RBFOX1: variants seen among roughly 807,000 people sequenced by gnomAD.
RBFOX1 encodes RNA binding fox-1 homolog 1.
A neutral mutation model predicts 57.7 loss-of-function variants in RBFOX1; 8 were observed. That is an observed-to-expected ratio of 0.14 (90% CI 0.08 to 0.25). The LOEUF is 0.25. Among genes scored for constraint, RBFOX1 ranks in the 10% least tolerant of loss-of-function variants. RBFOX1 has a pLI of 1.00. For missense variants in RBFOX1, 611 were observed against 548.5 expected (o/e 1.11, Z -1.14); for synonymous variants, 326 against 222.4 (o/e 1.47, Z -4.15).
chr16:6,992,201 T>C (rs1318882255), intron 3 of RBFOX1, among the ~76,000 whole-genome samples: 2 of 151,628 alleles, frequency 1.3e-5, no homozygotes, highest in South Asian at 2.1e-4. Context: ...TCTCACTCTG[T>C]TGCACAGGCT....
intron 4 of RBFOX1, among the ~76,000 whole-genome samples, chr16:7,256,430 G>C (rs1367349278): frequency 6.6e-6 from 1 of 152,158 alleles, no homozygotes; most frequent in Non-Finnish European, 1.5e-5. Flanking sequence ...GCCTACACTA[G>C]TTTGTCTCAA....
At chr16:6,152,490 G>C (rs2096804577) in intron 1 of RBFOX1, among the ~76,000 whole-genome samples, 1 of 152,208 alleles carries the variant, frequency 6.6e-6, no homozygotes. Flanking sequence ...TGAGATGAAA[G>C]TCAGATCAGC....
intron 11 of RBFOX1, among the ~76,000 whole-genome samples, chr16:7,630,890 G>T (rs1287551356): frequency 6.6e-6 from 1 of 152,198 alleles, no homozygotes; most frequent in African/African-American, 2.4e-5. Flanking sequence ...GTCAGGATTG[G>T]GTCCAATGGT....
chr16:7,645,431 C>A (rs2063563328), intron 11 of RBFOX1, among the ~76,000 whole-genome samples: 1 of 152,156 alleles, frequency 6.6e-6, no homozygotes, highest in South Asian at 2.1e-4. Context: ...AAATAAATGG[C>A]ACACGCAGCC....
intron 3 of RBFOX1, among the ~76,000 whole-genome samples, chr16:7,041,082 A>ATTTTTT (rs61569211): frequency 1.1e-3 from 118 of 109,216 alleles, no homozygotes; most frequent in Non-Finnish European, 1.6e-3. Flanking sequence ...CGCCCAGCTA[A>ATTTTTT]TTTTTTTTTT....
intron 2 of RBFOX1, among the ~76,000 whole-genome samples, chr16:5,467,537 G>A (rs1367055058): frequency 6.6e-6 from 1 of 152,082 alleles, no homozygotes; most frequent in Admixed American, 6.6e-5. Context: ...CTTCTTATTG[G>A]GAACAATGAG....
At chr16:7,115,403 C>A (rs183152579) in intron 4 of RBFOX1, among the ~76,000 whole-genome samples, 8 of 152,180 alleles carry the variant, frequency 5.3e-5, no homozygotes, top group African/African-American at 7.2e-5. Flanking sequence ...GAAACTAATT[C>A]TTTTGCCTTA....
At chr16:5,524,785 C>T (rs1000983041) in intron 2 of RBFOX1, among the ~76,000 whole-genome samples, 1 of 152,062 alleles carries the variant, frequency 6.6e-6, no homozygotes, top group African/African-American at 2.4e-5. Context: ...AAGTAATCTT[C>T]CAGTCTCGGC....
intron 2 of RBFOX1, among the ~76,000 whole-genome samples, chr16:6,431,562 G>C (rs1381836482): frequency 1.3e-5 from 2 of 152,078 alleles, no homozygotes; most frequent in African/African-American, 4.8e-5. Context: ...GGCTCCGAGG[G>C]TGTAAATGGT....
intron 3 of RBFOX1, among the ~76,000 whole-genome samples, chr16:6,950,200 C>A (rs1224341456): frequency 1.3e-5 from 2 of 150,850 alleles, no homozygotes; most frequent in Non-Finnish European, 2.9e-5. Context: ...TCAAGTGATC[C>A]ACCTGCCTCA....
At chr16:5,833,380 A>G (rs2056348696) in intron 3 of RBFOX1, among the ~76,000 whole-genome samples, 1 of 151,822 alleles carries the variant, frequency 6.6e-6, no homozygotes, top group South Asian at 2.1e-4. Context: ...CTGTAGTCCC[A>G]GCTACTCAGG....
intron 2 of RBFOX1, among the ~76,000 whole-genome samples, chr16:5,564,995 A>G (rs959218183): frequency 2.0e-5 from 3 of 152,280 alleles, no homozygotes; most frequent in South Asian, 4.1e-4. Context: ...TGGCACTTCA[A>G]AGAGCCCTAG....
At chr16:5,480,145 A>G (rs2069474781) in intron 2 of RBFOX1, among the ~76,000 whole-genome samples, 2 of 152,152 alleles carry the variant, frequency 1.3e-5, no homozygotes, top group Admixed American at 1.3e-4. Context: ...AGATTCACAG[A>G]ATGACTTGTG....
intron 3 of RBFOX1, among the ~76,000 whole-genome samples, chr16:6,757,506 A>T (rs892047794): frequency 6.6e-6 from 1 of 152,184 alleles, no homozygotes; most frequent in Non-Finnish European, 1.5e-5. Flanking sequence ...CATGGATGGA[A>T]CTGGAGGGAG....
chr16:6,539,866 A>T (rs535217965), intron 2 of RBFOX1, among the ~76,000 whole-genome samples: 1 of 126,974 alleles, frequency 7.9e-6, no homozygotes, highest in Admixed American at 7.9e-5. Flanking sequence ...TTGTCTTCCT[A>T]CAAGCTGTCT....
At chr16:6,879,034 C>A (rs1452342915) in intron 3 of RBFOX1, among the ~76,000 whole-genome samples, 1 of 152,186 alleles carries the variant, frequency 6.6e-6, no homozygotes, top group Non-Finnish European at 1.5e-5. Flanking sequence ...AACCATTTGA[C>A]CACACGTGTA....
chr16:6,074,288 A>C (rs986357473), intron 1 of RBFOX1, among the ~76,000 whole-genome samples: 3 of 152,214 alleles, frequency 2.0e-5, no homozygotes, highest in Admixed American at 1.3e-4. Flanking sequence ...TTTCTTGCAC[A>C]GCTGTACAGA....
At chr16:6,033,469 G>T (rs555117423) in intron 1 of RBFOX1, among the ~76,000 whole-genome samples, 1 of 152,072 alleles carries the variant, frequency 6.6e-6, no homozygotes. Flanking sequence ...TATTTTATGC[G>T]AATACAAACA....
intron 3 of RBFOX1, among the ~76,000 whole-genome samples, chr16:7,035,427 G>C (rs890677029): frequency 5.3e-5 from 8 of 152,244 alleles, no homozygotes; most frequent in African/African-American, 1.7e-4. Flanking sequence ...CGAATGCACT[G>C]CACACAAAAA....
Sources: allele counts gnomAD v4.1 joint callset (sites outside exome capture counted in the v4.1 genomes callset), GRCh38; gene constraint gnomAD v4.1.1; transcripts MANE v1.5; gene names NCBI Gene and HGNC (gene_info 2026-07-23, HGNC 2026-07-21).